The following NFX1 variants were observed in gnomAD, a reference collection of about 807,000 sequenced individuals.
NFX1 encodes the protein nuclear transcription factor, X-box binding 1, also known as transcriptional repressor NF-X1.
In NFX1, 69 loss-of-function variants were observed where a neutral mutation model predicts 137.2. That is an observed-to-expected ratio of 0.50 (90% confidence interval 0.41 to 0.61). The LOEUF is 0.61. NFX1 is among the 20% of genes least tolerant of loss of function. The pLI, the probability that NFX1 is intolerant of heterozygous loss-of-function variation, is 0.00. For synonymous variants in NFX1, 495 were observed against 474.1 expected (o/e 1.04, Z -0.57); for missense variants, 1,167 against 1,391.0 (o/e 0.84, Z 2.56).
At chr9:33,357,156 G>T (rs1363627862) in intron 19 of NFX1, among the ~76,000 whole-genome samples, 1 of 151,882 alleles carries the variant, frequency 6.6e-6, no homozygotes, top group African/African-American at 2.4e-5. Flanking sequence ...CAAAAAATTA[G>T]CCGGGCATGG....
chr9:33,309,753 A>G (rs2118302389), intron 5 of NFX1, among the ~76,000 whole-genome samples: 1 of 152,294 alleles, frequency 6.6e-6, no homozygotes, highest in South Asian at 2.1e-4. Flanking sequence ...TCAGCCTCCC[A>G]AAGTGCTGAG....
At chr9:33,330,865 T>TA (rs374510461) in intron 10 of NFX1, among the ~76,000 whole-genome samples, 47 of 148,496 alleles carry the variant, frequency 3.2e-4, no homozygotes, top group African/African-American at 8.2e-4. Context: ...TTTGACAAAG[T>TA]AAAAAAAAAA....
At chr9:33,345,368 T>C (rs1587863132) in intron 14 of NFX1, among the ~76,000 whole-genome samples, 1 of 151,204 alleles carries the variant, frequency 6.6e-6, no homozygotes, top group East Asian at 2.0e-4. Context: ...TCCCAGCTAC[T>C]TGGGAGGCTG....
At chr9:33,356,571 T>G (rs555697945) in intron 19 of NFX1, among the ~76,000 whole-genome samples, 2 of 152,330 alleles carry the variant, frequency 1.3e-5, no homozygotes, top group South Asian at 2.1e-4. Flanking sequence ...TAGAAAAATT[T>G]GTCTATCCTG....
chr9:33,368,293 C>T (rs1363125656), intron 23 of NFX1, among the ~76,000 whole-genome samples: 2 of 151,872 alleles, frequency 1.3e-5, no homozygotes, highest in South Asian at 4.2e-4. Context: ...TGAGAATTGC[C>T]GGTGACGGGG....
intron 9 of NFX1, among the ~76,000 whole-genome samples, chr9:33,321,985 G>C (rs1822402123): frequency 6.6e-6 from 1 of 151,898 alleles, no homozygotes; most frequent in South Asian, 2.1e-4. Context: ...CAGATCACTT[G>C]AGGTCAGGAG....
In NFX1 at chr9:33,352,681, G is replaced by A; in HGVS notation, c.2691G>A (p.Glu897=). ...ELQCECGRRK[E]MVICSEASST... is the part of the protein sequence containing the mutation. Reference sequence around the variant, plus strand: ...AGTGTGAATGTGGACGAAGAAAAGAGATGGTGATTTGCTCTGAAGCATCTA... The same window carrying A: ...AGTGTGAATGTGGACGAAGAAAAGAAATGGTGATTTGCTCTGAAGCATCTA... Residue 897 remains glutamate, a synonymous_variant, in exon 17 of 24, where the codon GAG becomes GAA. Transcript: ENST00000379540. 3.1e-6 allele frequency: 5 copies of A among 1,614,238 alleles called. No homozygotes were observed. The highest frequency in any genetic ancestry group is 4.2e-6 in the Non-Finnish European group (5 of 1,180,026).
intron 10 of NFX1, among the ~76,000 whole-genome samples, chr9:33,329,897 G>A (rs1213175990): frequency 6.6e-6 from 1 of 151,976 alleles, no homozygotes; most frequent in African/African-American, 2.4e-5. Context: ...GACCTCAAGT[G>A]ATCCTCCTGC....
intron 17 of NFX1, among the ~76,000 whole-genome samples, chr9:33,353,438 A>G (rs926248068): frequency 6.6e-6 from 1 of 152,100 alleles, no homozygotes; most frequent in Non-Finnish European, 1.5e-5. Flanking sequence ...ATATATATAT[A>G]TCTGGTTAGA....
At chr9:33,352,029 G>T in intron 16 of NFX1, 1 of 489,464 alleles carries the variant, frequency 2.0e-6, no homozygotes, top group Non-Finnish European at 3.6e-6. Context: ...TCTCCCTTGG[G>T]TGAGATTCTC....
chr9:33,360,639 A>C (rs1174245893), intron 19 of NFX1, among the ~76,000 whole-genome samples: 1 of 152,192 alleles, frequency 6.6e-6, no homozygotes, highest in Non-Finnish European at 1.5e-5. Context: ...ATATACACGC[A>C]TACACCTGTG....
intron 10 of NFX1, among the ~76,000 whole-genome samples, chr9:33,331,782 T>G (rs916517853): frequency 6.6e-6 from 1 of 151,518 alleles, no homozygotes; most frequent in Non-Finnish European, 1.5e-5. Flanking sequence ...AACCTGTAAA[T>G]GACATCAAAG....
At chr9:33,316,676 A>G (rs914974947) in intron 7 of NFX1, among the ~76,000 whole-genome samples, 2 of 152,158 alleles carry the variant, frequency 1.3e-5, no homozygotes, top group African/African-American at 4.8e-5. Context: ...ATTAATAAGC[A>G]TTCTTTTTGG....
At chr9:33,313,936 C>G (rs112109866) in intron 7 of NFX1, 143 bp downstream of exon 7, 2 of 765,240 alleles carry the variant, frequency 2.6e-6, no homozygotes, top group African/African-American at 3.5e-5. Context: ...GATGCTTAGA[C>G]GGTTTTTATT....
Position 33,369,478 on chromosome 9 carries a change from C to T in NFX1, c.3291-428C>T, listed in dbSNP as rs531066480. On this transcript the variant is annotated intron_variant, in intron 23 of 23. Transcript: ENST00000379540. ...TTACTATCATAAATGCCCATGTGCC[C>T]ATTACCAAATTTCAAAATCACCAGC... Among the ~76,000 whole-genome samples, 129 of 152,154 alleles carry T rather than the reference C, an allele frequency of 8.5e-4. 8 individuals are homozygous for T. Among genetic ancestry groups the T allele is most frequent in the Non-Finnish European group, 1.9e-4 (13 of 68,028 alleles).
At chr9:33,314,486 G>A (rs977067544) in intron 7 of NFX1, among the ~76,000 whole-genome samples, 30 of 151,934 alleles carry the variant, frequency 2.0e-4, no homozygotes, top group Non-Finnish European at 3.2e-4. Context: ...AGACCAGCCT[G>A]GCCAGCATGG....
chr9:33,343,179 A>G lies in NFX1; in HGVS notation c.2224+325A>G, dbSNP rs142999387. Among the ~76,000 whole-genome samples the G allele has an allele frequency of 6.6e-3, 1,011 of 152,262 alleles. 43 individuals carry two copies. Among genetic ancestry groups the G allele is most frequent in the Admixed American group, 0.054 (830 of 15,280 alleles). ...TCTATATTATTAGCAGCAGTTTGCA[A>G]ACTTTTTGGTTGTAGGGCTCATTTA... On this transcript the variant is annotated intron_variant, in intron 13 of 23. Coordinates refer to ENST00000379540, the MANE Select transcript of NFX1 (RefSeq NM_002504.6).
At chr9:33,357,262 A>T (rs1479270025) in intron 19 of NFX1, among the ~76,000 whole-genome samples, 1 of 152,106 alleles carries the variant, frequency 6.6e-6, no homozygotes, top group Non-Finnish European at 1.5e-5. Context: ...AGATGGTGCC[A>T]CTGCACTCTA....
chr9:33,356,402 C>T (rs1012351477), intron 19 of NFX1, among the ~76,000 whole-genome samples: 11 of 152,022 alleles, frequency 7.2e-5, no homozygotes, highest in African/African-American at 1.7e-4. Flanking sequence ...ATTGTGAGTA[C>T]TTTGTTGCAC....
Sources: allele counts gnomAD v4.1 joint callset (sites outside exome capture counted in the v4.1 genomes callset), GRCh38; gene constraint gnomAD v4.1.1; transcripts MANE v1.5; gene names NCBI Gene and HGNC (gene_info 2026-07-23, HGNC 2026-07-21).